KNL1: variants seen among roughly 807,000 people sequenced by gnomAD.
KNL1 encodes the protein outer kinetochore KNL1 complex subunit KNL1.
Under a neutral mutation model 201.3 loss-of-function variants are expected in KNL1, and 66 were observed. The observed-to-expected ratio is 0.33, with a 90% confidence interval of 0.27 to 0.40. The LOEUF is 0.40. KNL1 is among the 10% of genes least tolerant of loss of function. The pLI is 1.00. For missense variants in KNL1, 2,815 were observed against 2,690.5 expected (o/e 1.05, Z -1.02); for synonymous variants, 895 against 899.2 (o/e 1.00, Z 0.08).
chr15:40,611,165 GT>G (rs1892147052), intron 6 of KNL1, among the ~76,000 whole-genome samples: 1 of 150,358 alleles, frequency 6.7e-6, no homozygotes, highest in Non-Finnish European at 1.5e-5. Context: ...CTAGAGTGCA[GT>G]GGTGCGATCT....
rs558315774 is a variant in KNL1 at position 40,628,799 on chromosome 15, T to G, written c.5583+121T>G. On this transcript the variant is annotated intron_variant, in intron 12 of 25. Coordinates refer to ENST00000399668, the MANE Select transcript of KNL1 (RefSeq NM_144508.5). ...TTTTTTAATTACGAAATATTTCAAA[T>G]ATACAGAAGACTACTTTTCTTTGTT... 1.1e-4 allele frequency: 59 copies of G among 549,522 alleles called. No homozygotes were observed. The South Asian group carries it at 1.6e-3, about 15-fold the overall frequency. 34.0% of individuals were successfully genotyped at this position (549,522 alleles called of 1,614,324 possible). A position where few individuals can be genotyped will look rare whatever the true frequency, so the allele number is the denominator to read the frequency against.
At chr15:40,641,055 T>G in intron 14 of KNL1, 28 bp downstream of exon 14, 1 of 1,424,510 alleles carries the variant, frequency 7.0e-7, no homozygotes, top group Non-Finnish European at 9.8e-7. Context: ...TTTATGTGTG[T>G]TTTTTTGAGG....
In KNL1 at chr15:40,606,377, C is replaced by CT. The variant is rs1227444359; in HGVS notation, c.76-15dup. 3 of 1,499,492 alleles carry CT rather than the reference C, an allele frequency of 2.0e-6. No homozygotes were observed. The highest frequency in any genetic ancestry group is 2.8e-6 in the Non-Finnish European group (3 of 1,078,784). 92.9% of individuals were successfully genotyped at this position (1,499,492 alleles called of 1,614,324 possible). ...TATGCCAGATTTTTTTTGAATAATT[C>CT]TAATTGTTACCCTAGATATTGAAAC... On this transcript the variant is annotated splice_polypyrimidine_tract_variant and intron_variant, in intron 3 of 25. Transcript: ENST00000399668.
chr15:40,595,950 G>T (rs1239824191), intron 1 of KNL1, among the ~76,000 whole-genome samples: 1 of 152,144 alleles, frequency 6.6e-6, no homozygotes, highest in Non-Finnish European at 1.5e-5. Flanking sequence ...TTCAGGCTTT[G>T]CAGGCTACAT....
intron 1 of KNL1, 99 bp from the exon 2 acceptor site, chr15:40,602,816 A>G: frequency 4.6e-6 from 3 of 651,488 alleles, no homozygotes; most frequent in South Asian, 1.9e-5. Flanking sequence ...TCCCTCAGAA[A>G]GTAACCCTGA....
intron 1 of KNL1, among the ~76,000 whole-genome samples, chr15:40,600,024 A>G (rs1891741471): frequency 6.8e-6 from 1 of 147,246 alleles, no homozygotes; most frequent in South Asian, 2.1e-4. Flanking sequence ...GTGATATATT[A>G]TCCTTCTTAC....
At chr15:40,598,194 G>T (rs976464955) in intron 1 of KNL1, among the ~76,000 whole-genome samples, 2 of 149,116 alleles carry the variant, frequency 1.3e-5, no homozygotes, top group African/African-American at 2.5e-5. Context: ...AAAAGAAAAA[G>T]AAAAAAAAAG....
rs114699122 is a variant in KNL1, at chr15:40,600,774, T to A, written c.-17-2141T>A. ...TTTTTCTTATCCAAGGATGAGATTCTAAAGTTAATACATAAAGTGAAAATC... is the reference window on the plus strand; with the variant it reads ...TTTTTCTTATCCAAGGATGAGATTCAAAAGTTAATACATAAAGTGAAAATC... On this transcript the variant is annotated intron_variant, in intron 1 of 25. Transcript: ENST00000399668. Among the ~76,000 whole-genome samples, 428 of 152,310 alleles carry A rather than the reference T, an allele frequency of 2.8e-3. 2 individuals carry two copies. Among genetic ancestry groups the A allele is most frequent in the African/African-American group, 9.8e-3 (409 of 41,574 alleles).
intron 1 of KNL1, among the ~76,000 whole-genome samples, chr15:40,597,898 G>T (rs945048029): frequency 1.3e-5 from 2 of 152,148 alleles, no homozygotes; most frequent in South Asian, 4.1e-4. Flanking sequence ...TCCCCTGGGC[G>T]CGGTGGCTCA....
intron 1 of KNL1, among the ~76,000 whole-genome samples, chr15:40,602,316 T>TTC (rs71132202): frequency 1.3e-5 from 2 of 149,316 alleles, no homozygotes; most frequent in East Asian, 2.0e-4. Context: ...TTTTTTTTTT[T>TTC]CAGTAGAGAC....
Position 40,663,580 on chromosome 15 carries a change from C to T in KNL1, c.*1392C>T, listed in dbSNP as rs546064306. The T allele has an allele frequency of 7.9e-5, 15 of 191,032 alleles. No individual in the cohort carries two copies. Among genetic ancestry groups the T allele is most frequent in the South Asian group, 1.9e-4 (1 of 5,168 alleles). The allele number at this position is 191,032 out of a possible 1,614,324, so 11.8% of individuals were successfully genotyped here. A position where few individuals can be genotyped will look rare whatever the true frequency, so the allele number is the denominator to read the frequency against. On this transcript the variant is annotated 3_prime_UTR_variant, in exon 26 of 26. Coordinates refer to ENST00000399668, the MANE Select transcript of KNL1 (RefSeq NM_144508.5). ...TATTTTCTTTTATTAAATAGTGACA[C>T]GTCAAACAATGTCACATCCAAAACA...
chr15:40,594,849 G>A (rs1003756056), intron 1 of KNL1, among the ~76,000 whole-genome samples: 10 of 152,226 alleles, frequency 6.6e-5, no homozygotes, highest in Admixed American at 6.5e-5. Context: ...GCTCTTCGTG[G>A]TTTAAGGTGT....
rs1221491004 is a variant in KNL1, at chr15:40,621,354, T to C, written c.1090T>C (p.Phe364Leu). 1 of 1,612,114 alleles carries C rather than the reference T, an allele frequency of 6.2e-7. No homozygotes were observed. The highest frequency in any genetic ancestry group is 1.7e-5 in the Admixed American group (1 of 59,738). Reference protein sequence around the residue: ...GTKASGNKTVFKSKQNTAFQD... With the variant: ...GTKASGNKTVLKSKQNTAFQD... The stretch of plus-strand genomic sequence containing the variant: ...TAAAGCTTCAGGAAATAAAACAGTT[T>C]TTAAGAGTAAACAAAATACTGCTTT... The change falls in exon 10 of 26, where the codon TTT becomes CTT. Residue 364 changes from phenylalanine (F) to leucine (L), a missense_variant. Physicochemically the swap from Phe to Leu is conservative, Grantham distance 22. This residue lies in a region of KNL1 where 2,464 missense variants were observed against 2,291.7 expected (regional missense o/e 1.08). Coordinates refer to ENST00000399668, the MANE Select transcript of KNL1 (RefSeq NM_144508.5).
Position 40,611,481 on chromosome 15 carries a change from C to G in KNL1, c.254C>G (p.Thr85Arg), listed in dbSNP as rs781331949. 8.5e-6 allele frequency: 2 copies of G among 236,260 alleles called. No homozygotes were observed. Among genetic ancestry groups the G allele is most frequent in the Non-Finnish European group, 1.6e-5 (2 of 123,010 alleles). 14.6% of individuals were successfully genotyped at this position (236,260 alleles called of 1,614,324 possible). A position where few individuals can be genotyped will look rare whatever the true frequency, so the allele number is the denominator to read the frequency against. The change falls in exon 7 of 26, where the codon ACA (threonine) becomes AGA (arginine). Residue 85 changes from threonine to arginine, a missense_variant. Physicochemically the swap from Thr to Arg is moderately conservative, Grantham distance 71. Around this residue, in one of 3 missense-constraint regions of KNL1, gnomAD observed 2,464 missense variants for 2,291.7 expected, o/e 1.08. Transcript: ENST00000399668. Reference protein sequence around the residue: ...KIVRKSEMEETETGENLLLIQ... With the variant: ...KIVRKSEMEERETGENLLLIQ... ...TTAATTTTAATTTTATTTTTAGAAA[C>G]AGAAACAGGAGAAAATCTTCTTTTG...
intron 13 of KNL1, 124 bp downstream of exon 13, chr15:40,629,495 C>CTTTTTTTTTTTTTTTTTTT (rs386382806): frequency 6.2e-6 from 1 of 162,466 alleles, no homozygotes; most frequent in Non-Finnish European, 1.1e-5. Flanking sequence ...TTTGCCTTTT[C>CTTTTTTTTTTTTTTTTTTT]TTTTTTTTTT....
In KNL1 at chr15:40,624,263, C is replaced by T. The variant is rs373793762; in HGVS notation, c.3999C>T (p.Cys1333=). ...AAGATGAGGAAAAAGCCAATTATTG[C>T]CCAGTGCAAAATGATCTTGCTTATG... The part of the protein sequence containing the change: ...CDKDEEKANY[C]PVQNDLAYAN... Residue 1333 remains cysteine (C), a synonymous_variant, in exon 10 of 26, where the codon TGC becomes TGT. Transcript: ENST00000399668. The T allele has an allele frequency of 1.2e-3, 2,006 of 1,613,986 alleles. No individual in the cohort carries two copies. Among genetic ancestry groups the T allele is most frequent in the Non-Finnish European group, 1.6e-3 (1,934 of 1,179,960 alleles).
intron 1 of KNL1, among the ~76,000 whole-genome samples, chr15:40,596,553 G>A (rs1891626049): frequency 6.6e-6 from 1 of 151,928 alleles, no homozygotes; most frequent in African/African-American, 2.4e-5. Context: ...TGGGATTACA[G>A]GTGTGAGCCA....
chr15:40,636,081 G>A (rs1379490483), intron 13 of KNL1, among the ~76,000 whole-genome samples: 1 of 152,116 alleles, frequency 6.6e-6, no homozygotes, highest in Non-Finnish European at 1.5e-5. Context: ...CTGGTGATCT[G>A]CCTGCCTCGG....
At chr15:40,652,653 C>T (rs1893603284) in intron 21 of KNL1, among the ~76,000 whole-genome samples, 1 of 150,068 alleles carries the variant, frequency 6.7e-6, no homozygotes, top group Non-Finnish European at 1.5e-5. Context: ...ATCCTAGTTA[C>T]TCGGGAGGCT....
Sources: allele counts gnomAD v4.1 joint callset (sites outside exome capture counted in the v4.1 genomes callset), GRCh38; gene constraint gnomAD v4.1.1; regional missense constraint gnomAD v4.1.1; transcripts MANE v1.5; gene names NCBI Gene and HGNC (gene_info 2026-07-23, HGNC 2026-07-21).